Variants in EPHA6 observed in about 807,000 individuals in gnomAD.
EPHA6 encodes the protein EPH receptor A6.
EPHA6 carries 50 observed loss-of-function variants against 112.0 expected under a neutral mutation model. The ratio of observed to expected loss-of-function variants is 0.45; its 90% CI spans 0.36 to 0.56. The LOEUF (loss-of-function observed/expected upper bound fraction) is 0.56. EPHA6 is among the 20% of genes least tolerant of loss of function. EPHA6 has a pLI of 0.00. For missense variants in EPHA6, 1,280 were observed against 1,417.4 expected (o/e 0.90, Z 1.56); for synonymous variants, 529 against 490.7 (o/e 1.08, Z -1.03).
At chr3:96,971,077 A>G (rs992644927) in intron 2 of EPHA6, among the ~76,000 whole-genome samples, 3 of 152,076 alleles carry the variant, frequency 2.0e-5, no homozygotes, top group Admixed American at 6.6e-5. Context: ...AATATTTGCA[A>G]TATTTTATTT....
At chr3:97,006,724 C>G (rs1182155452) in intron 3 of EPHA6, among the ~76,000 whole-genome samples, 1 of 151,706 alleles carries the variant, frequency 6.6e-6, no homozygotes, top group African/African-American at 2.4e-5. Flanking sequence ...ATCTTTCTAG[C>G]TTTCTGATGT....
intron 1 of EPHA6, among the ~76,000 whole-genome samples, chr3:96,845,209 G>A (rs1439984792): frequency 3.3e-5 from 5 of 151,956 alleles, no homozygotes; most frequent in Admixed American, 3.3e-4. Context: ...TCTTTAGTTA[G>A]TATAATTAAG....
chr3:97,054,963 C>A (rs1158108030), intron 3 of EPHA6, among the ~76,000 whole-genome samples: 1 of 152,066 alleles, frequency 6.6e-6, no homozygotes, highest in Admixed American at 6.6e-5. Context: ...AAATTTCCCC[C>A]CTTTGGGAAA....
At chr3:97,350,996 G>C (rs2108893349) in intron 5 of EPHA6, among the ~76,000 whole-genome samples, 1 of 152,192 alleles carries the variant, frequency 6.6e-6, no homozygotes, top group East Asian at 1.9e-4. Context: ...CTCCTGCTCA[G>C]CCTATTTGGT....
chr3:97,142,862 C>T (rs2075948351), intron 3 of EPHA6, among the ~76,000 whole-genome samples: 2 of 151,788 alleles, frequency 1.3e-5, no homozygotes, highest in East Asian at 1.9e-4. Context: ...ATGATGAACT[C>T]ACAGAGAACA....
chr3:96,817,593 A>C (rs1174268088), intron 1 of EPHA6, among the ~76,000 whole-genome samples: 2 of 151,984 alleles, frequency 1.3e-5, no homozygotes, highest in African/African-American at 2.4e-5. Context: ...TTAATGTTTT[A>C]ATTTTGAAAT....
chr3:97,368,221 G>C (rs907081852), intron 5 of EPHA6, among the ~76,000 whole-genome samples: 1 of 151,974 alleles, frequency 6.6e-6, no homozygotes, highest in Admixed American at 6.6e-5. Context: ...TAATTTCTAT[G>C]GTCTTAGTTG....
chr3:97,614,566 A>C (rs1447983691), intron 13 of EPHA6, among the ~76,000 whole-genome samples: 1 of 140,854 alleles, frequency 7.1e-6, no homozygotes, highest in African/African-American at 2.6e-5. Context: ...ATTGGCCAGG[A>C]TGATTTCAAT....
chr3:97,549,790 G>C (rs113190261), intron 11 of EPHA6, among the ~76,000 whole-genome samples: 1 of 151,804 alleles, frequency 6.6e-6, no homozygotes, highest in East Asian at 1.9e-4. Context: ...CAGCCTGGGC[G>C]ACAAGGCGAG....
At chr3:97,530,754 G>T (rs1055159643) in intron 10 of EPHA6, among the ~76,000 whole-genome samples, 38 of 152,048 alleles carry the variant, frequency 2.5e-4, no homozygotes, top group African/African-American at 8.2e-4. Context: ...TTGTTAGACT[G>T]CTTTCTATTT....
At chr3:97,474,731 T>C (rs991923192) in intron 7 of EPHA6, among the ~76,000 whole-genome samples, 2 of 152,016 alleles carry the variant, frequency 1.3e-5, no homozygotes, top group African/African-American at 4.8e-5. Flanking sequence ...AGAAGGAACA[T>C]GTTGCTACCA....
At chr3:97,675,956 G>A (rs1387605072) in intron 14 of EPHA6, among the ~76,000 whole-genome samples, 5 of 152,148 alleles carry the variant, frequency 3.3e-5, no homozygotes, top group Non-Finnish European at 5.9e-5. Context: ...GAGAAAATAG[G>A]CATGACAGAA....
intron 11 of EPHA6, among the ~76,000 whole-genome samples, chr3:97,578,334 A>T (rs573539744): frequency 4.1e-4 from 62 of 152,032 alleles, no homozygotes; most frequent in Admixed American, 7.9e-4. Context: ...ATGGTTGTGT[A>T]AGTTGCATTT....
At chr3:97,402,780 G>A (rs1025354580) in intron 5 of EPHA6, among the ~76,000 whole-genome samples, 5 of 152,092 alleles carry the variant, frequency 3.3e-5, no homozygotes, top group African/African-American at 1.2e-4. Context: ...TGAACAGCCA[G>A]AAAGAGTTTT....
At chr3:96,894,140 A>G (rs2038132867) in intron 2 of EPHA6, among the ~76,000 whole-genome samples, 1 of 152,154 alleles carries the variant, frequency 6.6e-6, no homozygotes, top group Non-Finnish European at 1.5e-5. Flanking sequence ...TATTGAATTC[A>G]TTTGTGATCT....
intron 5 of EPHA6, among the ~76,000 whole-genome samples, chr3:97,253,894 C>A (rs1329525595): frequency 3.3e-5 from 5 of 151,532 alleles, no homozygotes; most frequent in Non-Finnish European, 5.9e-5. Context: ...GTAGCTATGC[C>A]CTGTATCATA....
At chr3:97,239,680 G>T (rs1297071129) in intron 4 of EPHA6, among the ~76,000 whole-genome samples, 1 of 151,762 alleles carries the variant, frequency 6.6e-6, no homozygotes, top group Non-Finnish European at 1.5e-5. Context: ...GTAAGCTGAG[G>T]AGGAGGAGAG....
chr3:97,178,205 A>C lies in EPHA6; in HGVS notation c.1115-48059A>C, dbSNP rs563688981. ...AATTTAACACTATTTGCATAAACAA[A>C]CAAACACAAAGAAAACTAATAAAAA... On this transcript the variant is annotated intron_variant, in intron 3 of 17. Coordinates refer to ENST00000389672, the MANE Select transcript of EPHA6 (RefSeq NM_001080448.3). Among the ~76,000 whole-genome samples the C allele has an allele frequency of 2.1e-3, 317 of 152,232 alleles. 1 individual carries two copies. The highest frequency in any genetic ancestry group is 2.0e-3 in the Non-Finnish European group (135 of 67,968).
intron 14 of EPHA6, among the ~76,000 whole-genome samples, chr3:97,717,231 C>CAAAAAAAAAAAAAAAAAAAAAA (rs748817650): frequency 4.1e-5 from 2 of 48,800 alleles, no homozygotes; most frequent in African/African-American, 5.8e-5. Flanking sequence ...AACTCCATCT[C>CAAAAAAAAAAAAAAAAAAAAAA]AAAAAAAAAA....
Sources: allele counts gnomAD v4.1 joint callset (sites outside exome capture counted in the v4.1 genomes callset), GRCh38; gene constraint gnomAD v4.1.1; transcripts MANE v1.5; gene names NCBI Gene and HGNC (gene_info 2026-07-23, HGNC 2026-07-21).